ARHGAP42: variants seen among roughly 807,000 people sequenced by gnomAD.
The protein encoded by ARHGAP42 is Rho GTPase activating protein 42.
In ARHGAP42, 63 loss-of-function variants were observed where a neutral mutation model predicts 125.0. The ratio of observed to expected loss-of-function variants is 0.50; its 90% CI spans 0.41 to 0.62. The LOEUF (loss-of-function observed/expected upper bound fraction) is 0.62. Among genes scored for constraint, ARHGAP42 ranks in the 20% least tolerant of loss-of-function variants. The pLI, the probability that ARHGAP42 is intolerant of heterozygous loss-of-function variation, is 0.00. For synonymous variants in ARHGAP42, 339 were observed against 351.0 expected, an observed-to-expected ratio of 0.97 and a Z score of 0.38; for missense variants, 766 against 1,024.2, an observed-to-expected ratio of 0.75 and a Z score of 3.44.
chr11:100,792,853 C>T (rs1216559076), intron 2 of ARHGAP42, among the ~76,000 whole-genome samples: 5 of 151,458 alleles, frequency 3.3e-5, no homozygotes, highest in South Asian at 2.1e-4. Context: ...TCCGGGTTCA[C>T]GCCGTTCTCC....
chr11:100,753,918 T>C (rs1239227982), intron 1 of ARHGAP42, among the ~76,000 whole-genome samples: 1 of 152,226 alleles, frequency 6.6e-6, no homozygotes, highest in Non-Finnish European at 1.5e-5. Context: ...AAAGAGTCTT[T>C]GGTTTCTTCC....
At chr11:100,848,988 T>A (rs1395725303) in intron 3 of ARHGAP42, among the ~76,000 whole-genome samples, 1 of 152,196 alleles carries the variant, frequency 6.6e-6, no homozygotes, top group Non-Finnish European at 1.5e-5. Flanking sequence ...AGAAAAGTAG[T>A]TTTTAAGCTT....
At chr11:100,716,947 G>A (rs554848606) in intron 1 of ARHGAP42, among the ~76,000 whole-genome samples, 14 of 152,276 alleles carry the variant, frequency 9.2e-5, no homozygotes, top group African/African-American at 3.4e-4. Flanking sequence ...TCCAGGATGA[G>A]CTCTTGAGAT....
At chr11:100,908,295 T>A (rs1032029702) in intron 4 of ARHGAP42, among the ~76,000 whole-genome samples, 10 of 152,202 alleles carry the variant, frequency 6.6e-5, no homozygotes, top group Non-Finnish European at 1.5e-4. Flanking sequence ...AGACATTGAG[T>A]TGGCCTCTTT....
chr11:100,778,602 G>C (rs1039305177), intron 2 of ARHGAP42, among the ~76,000 whole-genome samples: 1 of 151,504 alleles, frequency 6.6e-6, no homozygotes, highest in Non-Finnish European at 1.5e-5. Flanking sequence ...TACCCACACA[G>C]AAACCACCCA....
Position 100,976,215 on chromosome 11 carries a change from A to G in ARHGAP42, c.2014A>G (p.Asn672Asp), listed in dbSNP as rs1029656019. The change falls in exon 20 of 24, where the codon AAT becomes GAT. Residue 672 changes from asparagine to aspartate, a missense_variant. Asn to Asp is a conservative substitution (Grantham distance 23). Transcript: ENST00000298815. ...TTGGATTGCAACCCCATCATCTTCC[A>G]ATGGACAGAAAAGCCTTGGTCTGTG... The part of the protein sequence containing the change: ...IPWIATPSSS[N>D]GQKSLGLWTT... 6.4e-6 allele frequency: 10 copies of G among 1,551,680 alleles called. No homozygotes were observed. The South Asian group carries it at 1.2e-4, about 18-fold the overall frequency.
chr11:100,774,598 C>T (rs969584574), intron 2 of ARHGAP42, among the ~76,000 whole-genome samples: 8 of 152,062 alleles, frequency 5.3e-5, no homozygotes, highest in Non-Finnish European at 1.0e-4. Context: ...GGCAGGCTTT[C>T]TGTGTGTAAG....
chr11:100,817,581 G>A (rs559176578), intron 3 of ARHGAP42, among the ~76,000 whole-genome samples: 6 of 152,092 alleles, frequency 3.9e-5, no homozygotes, highest in South Asian at 2.1e-4. Flanking sequence ...TATAAGTTTC[G>A]TAAACTCAAA....
At position 100,973,193 on chromosome 11, in the gene ARHGAP42, A is replaced by G; in HGVS notation, c.1569A>G (p.Gln523=). The change falls in exon 18 of 24, where the codon CAA becomes CAG. Residue 523 remains glutamine, a synonymous_variant. Coordinates refer to ENST00000298815, the MANE Select transcript of ARHGAP42 (RefSeq NM_152432.4). The part of the protein sequence containing the change: ...KHLVKVSLHS[Q]QNLMTVSNLG... ...TTTGCAGAGTATCACTACACAGCCA[A>G]CAAAATCTCATGACTGTCTCAAATC... 1 of 1,549,988 alleles carries G rather than the reference A, an allele frequency of 6.5e-7. No homozygotes were observed. The highest frequency in any genetic ancestry group is 8.7e-7 in the Non-Finnish European group (1 of 1,146,254).
At position 100,824,673 on chromosome 11, in the gene ARHGAP42, T is replaced by C. The variant is rs573218174; in HGVS notation, c.312+29507T>C. Among the ~76,000 whole-genome samples, 131 of 152,306 alleles carry C rather than the reference T, an allele frequency of 8.6e-4. 1 individual carries two copies. Among genetic ancestry groups the C allele is most frequent in the African/African-American group, 3.0e-3 (126 of 41,562 alleles). ...GACTCTTCTCCTAATCAACTATATA[T>C]CATCATAGATGACAGATTTAATCTT... On this transcript the variant is annotated intron_variant, in intron 3 of 23. Coordinates refer to ENST00000298815, the MANE Select transcript of ARHGAP42 (RefSeq NM_152432.4).
At chr11:100,827,212 A>G (rs1046528486) in intron 3 of ARHGAP42, among the ~76,000 whole-genome samples, 1 of 152,078 alleles carries the variant, frequency 6.6e-6, no homozygotes, top group Non-Finnish European at 1.5e-5. Context: ...AATGTTGGCC[A>G]GGCTGGTCTC....
At chr11:100,929,610 G>T (rs1308350261) in intron 6 of ARHGAP42, among the ~76,000 whole-genome samples, 1 of 152,152 alleles carries the variant, frequency 6.6e-6, no homozygotes, top group Non-Finnish European at 1.5e-5. Flanking sequence ...CTATCCTAGA[G>T]AGCTGAACTT....
chr11:100,976,109 A>C lies in ARHGAP42; in HGVS notation c.1908A>C (p.Ser636=). 6.5e-7 allele frequency: 1 copy of C among 1,549,836 alleles called. No homozygotes were observed. The highest frequency in any genetic ancestry group is 8.7e-7 in the Non-Finnish European group (1 of 1,146,074). ...PDSTPMGSIE[S]LSSHSSEQNS... Reference sequence around the variant, plus strand: ...GCACACCTATGGGGAGCATTGAGTCACTCTCTTCTCATTCCTCTGAACAAA... The same window carrying C: ...GCACACCTATGGGGAGCATTGAGTCCCTCTCTTCTCATTCCTCTGAACAAA... The change falls in exon 20 of 24, where the codon TCA becomes TCC. Residue 636 remains serine, a synonymous_variant. Transcript: ENST00000298815.
Position 100,853,400 on chromosome 11 carries a change from A to G in ARHGAP42, c.313-6154A>G, listed in dbSNP as rs1865250377. Among the ~76,000 whole-genome samples, 3 of 152,198 alleles carry G rather than the reference A, an allele frequency of 2.0e-5. 1 individual carries two copies. Among genetic ancestry groups the G allele is most frequent in the Admixed American group, 2.0e-4 (3 of 15,268 alleles). ...TCTGGTATTTGAAAATGTTTCCACA[A>G]TGCTTAAATGTTTAAAAAGTGTTCT... On this transcript the variant is annotated intron_variant, in intron 3 of 23. Coordinates refer to ENST00000298815, the MANE Select transcript of ARHGAP42 (RefSeq NM_152432.4).
intron 2 of ARHGAP42, among the ~76,000 whole-genome samples, chr11:100,779,445 C>CAAAAA (rs869248095): frequency 1.8e-5 from 1 of 54,456 alleles, no homozygotes; most frequent in Non-Finnish European, 3.3e-5. Context: ...GACTGCGTCT[C>CAAAAA]AAAAAAAAAA....
At chr11:100,922,207 T>C (rs953588623) in intron 6 of ARHGAP42, among the ~76,000 whole-genome samples, 5 of 152,208 alleles carry the variant, frequency 3.3e-5, no homozygotes, top group African/African-American at 1.2e-4. Context: ...AACGGCTCTG[T>C]TTTCCCCTTT....
intron 1 of ARHGAP42, among the ~76,000 whole-genome samples, chr11:100,699,500 ATATATATTTTTTTTTTTTTTTTTTTTTTT>A (rs1861357403): frequency 2.5e-5 from 1 of 40,148 alleles, no homozygotes; most frequent in African/African-American, 1.1e-4. Flanking sequence ...ATATATATAT[ATATATATTTTTTTTTTTTTTTTTTTTTTT>A]TTTTTTTTTT....
chr11:100,741,838 A>G lies in ARHGAP42; in HGVS notation c.155-28505A>G, dbSNP rs146627080. ...TATTTTGCCCTTAACTAATGTTTAA[A>G]GCAAGCAGTACTTTGCATTGTACTA... On this transcript the variant is annotated intron_variant, in intron 1 of 23. Transcript: ENST00000298815. Among the ~76,000 whole-genome samples, 543 of 152,336 alleles carry G rather than the reference A, an allele frequency of 3.6e-3. 4 individuals carry two copies. Among genetic ancestry groups the G allele is most frequent in the African/African-American group, 0.012 (519 of 41,582 alleles).
intron 4 of ARHGAP42, among the ~76,000 whole-genome samples, chr11:100,863,059 A>AACAC (rs3063447): frequency 4.4e-5 from 6 of 137,450 alleles, no homozygotes; most frequent in South Asian, 2.2e-4. Flanking sequence ...AAAAACACAA[A>AACAC]ACACACACAC....
Sources: allele counts gnomAD v4.1 joint callset (sites outside exome capture counted in the v4.1 genomes callset), GRCh38; gene constraint gnomAD v4.1.1; transcripts MANE v1.5; gene names NCBI Gene and HGNC (gene_info 2026-07-23, HGNC 2026-07-21).